RBFOX1: variants seen among roughly 807,000 people sequenced by gnomAD.
The protein encoded by RBFOX1 is RNA binding fox-1 homolog 1, also known as RNA binding protein fox-1 homolog 1.
RBFOX1 carries 8 observed loss-of-function variants against 57.7 expected under a neutral mutation model. The ratio of observed to expected loss-of-function variants is 0.14; its 90% CI spans 0.08 to 0.25. The LOEUF is 0.25. Ranked by LOEUF, RBFOX1 falls within the 10% of genes least tolerant of loss-of-function variation. RBFOX1 has a pLI of 1.00. For missense variants in RBFOX1, 611 were observed against 548.5 expected, an observed-to-expected ratio of 1.11 and a Z score of -1.14; for synonymous variants, 326 against 222.4, an observed-to-expected ratio of 1.47 and a Z score of -4.15.
chr16:6,888,363 C>T (rs990252216), intron 3 of RBFOX1, among the ~76,000 whole-genome samples: 2 of 152,042 alleles, frequency 1.3e-5, no homozygotes, highest in Admixed American at 6.6e-5. Flanking sequence ...AAAACTTTTT[C>T]GTTTTTTTGT....
At position 7,418,085 on chromosome 16, in the gene RBFOX1, C is replaced by A. The variant is rs141944832; in HGVS notation, c.28-100062C>A. On this transcript the variant is annotated intron_variant, in intron 4 of 15. Coordinates refer to ENST00000550418, the MANE Select transcript of RBFOX1 (RefSeq NM_018723.4). The stretch of plus-strand genomic sequence containing the variant: ...CCAAGACACTCCCTGTCACTCTCTG[C>A]CCAACCCTCCATTCCTAACCTCACC... Among the ~76,000 whole-genome samples, 27 of 152,244 alleles carry A rather than the reference C, an allele frequency of 1.8e-4. No homozygotes were observed. In the East Asian group the frequency reaches 5.2e-3, roughly 30 times the overall value.
At chr16:7,291,684 A>T (rs1345473112) in intron 4 of RBFOX1, among the ~76,000 whole-genome samples, 1 of 151,956 alleles carries the variant, frequency 6.6e-6, no homozygotes, top group Admixed American at 6.6e-5. Flanking sequence ...GGACCTTGGC[A>T]CTGAGACATG....
intron 2 of RBFOX1, among the ~76,000 whole-genome samples, chr16:6,616,170 G>A (rs1244874887): frequency 6.6e-6 from 1 of 152,176 alleles, no homozygotes; most frequent in East Asian, 1.9e-4. Context: ...ATCATTGTAT[G>A]TGTATTTAAC....
intron 4 of RBFOX1, among the ~76,000 whole-genome samples, chr16:7,468,424 A>G (rs913605946): frequency 1.1e-4 from 16 of 150,980 alleles, no homozygotes; most frequent in Admixed American, 6.6e-5. Context: ...CTTGCACTCA[A>G]CATGCCGCTT....
At chr16:6,214,192 A>G (rs2097316263) in intron 1 of RBFOX1, among the ~76,000 whole-genome samples, 1 of 152,168 alleles carries the variant, frequency 6.6e-6, no homozygotes, top group Non-Finnish European at 1.5e-5. Flanking sequence ...CACTGTCTCC[A>G]TCTCTCTCAT....
chr16:6,721,460 A>T (rs1406781543), intron 3 of RBFOX1, among the ~76,000 whole-genome samples: 3 of 152,068 alleles, frequency 2.0e-5, no homozygotes, highest in Non-Finnish European at 4.4e-5. Flanking sequence ...ACAACAACAA[A>T]ACCGTGTTAA....
At chr16:6,288,082 G>A (rs1435195668) in intron 1 of RBFOX1, among the ~76,000 whole-genome samples, 1 of 152,176 alleles carries the variant, frequency 6.6e-6, no homozygotes, top group East Asian at 1.9e-4. Flanking sequence ...GTGACTTGAT[G>A]TAACTCTTAG....
At chr16:5,935,577 G>A (rs1387728296) in intron 4 of RBFOX1, among the ~76,000 whole-genome samples, 1 of 152,176 alleles carries the variant, frequency 6.6e-6, no homozygotes, top group Non-Finnish European at 1.5e-5. Flanking sequence ...GGGGGATCTG[G>A]GTTCTGGACT....
At position 5,905,911 on chromosome 16, in the gene RBFOX1, A is replaced by G. The variant is rs149123654; in HGVS notation, c.351+38576A>G. 9.7e-4 allele frequency among the ~76,000 whole-genome samples: 147 copies of G among 152,214 alleles called. 1 individual carries two copies. The highest frequency in any genetic ancestry group is 3.4e-3 in the Middle Eastern group (1 of 294). The stretch of plus-strand genomic sequence containing the variant: ...TAGAATTCATCTCTTTTTCCCGACG[A>G]TGGAGGATAAGAAGGTTTTCAGCTC... On this transcript the variant is annotated intron_variant, in intron 4 of 19. Coordinates refer to the RBFOX1 transcript ENST00000641259.
At chr16:5,775,670 G>C (rs1165829333) in intron 3 of RBFOX1, among the ~76,000 whole-genome samples, 1 of 152,156 alleles carries the variant, frequency 6.6e-6, no homozygotes, top group Non-Finnish European at 1.5e-5. Flanking sequence ...AGGGCTCCAG[G>C]AAACAAAGGA....
chr16:6,734,883 G>C (rs2069698952), intron 3 of RBFOX1, among the ~76,000 whole-genome samples: 2 of 152,202 alleles, frequency 1.3e-5, no homozygotes, highest in South Asian at 4.1e-4. Context: ...TTGACGCCTA[G>C]TAAAGGTTAT....
chr16:5,719,939 G>C (rs529140517), intron 3 of RBFOX1, among the ~76,000 whole-genome samples: 62 of 152,262 alleles, frequency 4.1e-4, no homozygotes, highest in African/African-American at 1.5e-3. Context: ...GCTGCTAGGA[G>C]GGATGGTGAC....
chr16:5,711,412 G>A (rs892274057), intron 3 of RBFOX1, among the ~76,000 whole-genome samples: 18 of 152,170 alleles, frequency 1.2e-4, no homozygotes, highest in Admixed American at 9.8e-4. Flanking sequence ...TAACCATTCA[G>A]GATACCACCT....
rs66747176 is a variant in RBFOX1 at position 6,855,845 on chromosome 16, C to CTTTCCCTCCCTCTTTCCCTCCCTG, written c.-15-196201_-15-196200insCTTTCCCTCCCTGTTTCCCTCCCT. ...TCCTTCCCTCCCTCCTTCCCTCCCT[C>CTTTCCCTCCCTCTTTCCCTCCCTG]TTTCCCTCCCTTCCTTTCTTCCCTG... On this transcript the variant is annotated intron_variant, in intron 3 of 15. Transcript: ENST00000550418. Among the ~76,000 whole-genome samples the CTTTCCCTCCCTCTTTCCCTCCCTG allele has an allele frequency of 1.6e-3, 186 of 114,582 alleles. 1 individual carries two copies. Among genetic ancestry groups the CTTTCCCTCCCTCTTTCCCTCCCTG allele is most frequent in the Middle Eastern group, 8.7e-3 (2 of 230 alleles). The allele number at this position is 114,582 out of a possible 152,430, so 75.2% of individuals were successfully genotyped here.
At chr16:6,725,087 G>C (rs943373256) in intron 3 of RBFOX1, among the ~76,000 whole-genome samples, 15 of 113,802 alleles carry the variant, frequency 1.3e-4, no homozygotes, top group Non-Finnish European at 1.5e-4. Context: ...GTCTTGCTCT[G>C]TCGCCCTTGC....
intron 1 of RBFOX1, among the ~76,000 whole-genome samples, chr16:6,113,171 G>A (rs1051451287): frequency 2.0e-5 from 3 of 152,162 alleles, no homozygotes; most frequent in African/African-American, 7.2e-5. Flanking sequence ...CTGCCCTGGT[G>A]TCTTTCATCC....
At chr16:6,370,940 T>G (rs1255767381) in intron 2 of RBFOX1, among the ~76,000 whole-genome samples, 1 of 152,216 alleles carries the variant, frequency 6.6e-6, no homozygotes, top group East Asian at 1.9e-4. Context: ...GTTATTTACT[T>G]TGTGGATGAC....
intron 2 of RBFOX1, among the ~76,000 whole-genome samples, chr16:5,541,933 T>G (rs941631849): frequency 6.6e-6 from 1 of 152,178 alleles, no homozygotes; most frequent in Non-Finnish European, 1.5e-5. Context: ...ACAGGTGGTT[T>G]TTAGTTACAT....
At chr16:6,920,701 C>T (rs1158507846) in intron 3 of RBFOX1, among the ~76,000 whole-genome samples, 1 of 152,174 alleles carries the variant, frequency 6.6e-6, no homozygotes, top group Non-Finnish European at 1.5e-5. Flanking sequence ...ATCATTGGCA[C>T]CCCTTGGCTT....
Sources: gnomAD v4.1 joint callset for allele counts (sites outside exome capture counted in the v4.1 genomes callset) on GRCh38, gnomAD v4.1.1 for gene constraint, MANE v1.5 for transcripts, NCBI Gene and HGNC (gene_info 2026-07-23, HGNC 2026-07-21) for gene names.